The following NARS2 variants were observed in gnomAD, a reference collection of about 807,000 sequenced individuals.
NARS2 encodes the protein asparaginyl-tRNA synthetase 2, mitochondrial, also known as asparaginyl-tRNA synthetase.
Under a neutral mutation model 62.9 loss-of-function variants are expected in NARS2, and 60 were observed. The observed-to-expected ratio is 0.95, with a 90% CI of 0.77 to 1.18. The LOEUF is 1.18. Ranked by LOEUF, NARS2 falls within the 50% of genes most tolerant of loss-of-function variation. The pLI, the probability that NARS2 is intolerant of heterozygous loss-of-function variation, is 0.00. For missense variants in NARS2, 619 were observed against 576.4 expected (o/e 1.07, Z -0.76); for synonymous variants, 196 against 200.0 (o/e 0.98, Z 0.17).
chr11:78,504,551 T>C (rs1209714287), intron 6 of NARS2, among the ~76,000 whole-genome samples: 1 of 152,154 alleles, frequency 6.6e-6, no homozygotes, highest in Non-Finnish European at 1.5e-5. Flanking sequence ...CTAAGCTTAT[T>C]TGTTATCAGC....
rs1859330596 is a variant in NARS2 at position 78,481,018 on chromosome 11, A to T, written c.823-2335T>A. Among the ~76,000 whole-genome samples, 8 of 151,946 alleles carry T rather than the reference A, an allele frequency of 5.3e-5. No individual in the cohort carries two copies. The South Asian group carries it at 1.7e-3, about 32-fold the overall frequency. On this transcript the variant is annotated intron_variant, in intron 7 of 13. Coordinates refer to ENST00000281038, the MANE Select transcript of NARS2 (RefSeq NM_024678.6). ...AATTTTTTTGTAGAGACAGGATTTC[A>T]CCATGTTGGCCAGGCTGGTCTCTAA...
intron 13 of NARS2, 35 bp downstream of exon 13, chr11:78,441,056 G>C (rs1410664240): frequency 1.9e-6 from 3 of 1,600,042 alleles, no homozygotes; most frequent in Non-Finnish European, 2.6e-6. Context: ...CAGACAAGCA[G>C]CTAGAGTAAG....
At chr11:78,504,595 G>A (rs186268673) in intron 6 of NARS2, among the ~76,000 whole-genome samples, 2 of 152,124 alleles carry the variant, frequency 1.3e-5, no homozygotes, top group East Asian at 3.9e-4. Context: ...AACCATGACT[G>A]AATTTATTGG....
chr11:78,530,757 G>A (rs936859488), intron 5 of NARS2, among the ~76,000 whole-genome samples: 3 of 152,174 alleles, frequency 2.0e-5, no homozygotes, highest in Non-Finnish European at 2.9e-5. Flanking sequence ...ATGAGCCACC[G>A]TGCCCGGCCT....
intron 6 of NARS2, among the ~76,000 whole-genome samples, chr11:78,517,820 G>A (rs1201998476): frequency 1.3e-5 from 2 of 152,170 alleles, no homozygotes; most frequent in African/African-American, 2.4e-5. Flanking sequence ...AGTTTATGAC[G>A]AAGTTCCTCA....
intron 12 of NARS2, among the ~76,000 whole-genome samples, chr11:78,442,623 CT>C (rs1195764431): frequency 2.4e-3 from 181 of 75,254 alleles, no homozygotes; most frequent in East Asian, 0.011. Context: ...TAAAGTCTTT[CT>C]TTTTTTTTTT....
At chr11:78,537,540 T>C (rs1855404698) in intron 5 of NARS2, among the ~76,000 whole-genome samples, 1 of 152,224 alleles carries the variant, frequency 6.6e-6, no homozygotes, top group South Asian at 2.1e-4. Flanking sequence ...CTCACAACTA[T>C]AATCCCAGCA....
chr11:78,505,305 C>T (rs1860448847), intron 6 of NARS2, among the ~76,000 whole-genome samples: 1 of 145,996 alleles, frequency 6.8e-6, no homozygotes, highest in Admixed American at 6.7e-5. Context: ...CACACACACA[C>T]ACACACACAC....
intron 3 of NARS2, among the ~76,000 whole-genome samples, chr11:78,566,629 G>C (rs1856755416): frequency 6.6e-6 from 1 of 152,292 alleles, no homozygotes; most frequent in Middle Eastern, 3.4e-3. Context: ...GCACACAGGA[G>C]TTCAAAATAT....
At chr11:78,570,509 G>T (rs753787255) in intron 2 of NARS2, among the ~76,000 whole-genome samples, 1 of 152,130 alleles carries the variant, frequency 6.6e-6, no homozygotes, top group Non-Finnish European at 1.5e-5. Flanking sequence ...AGCCTCAACC[G>T]CCCGAGTAGT....
intron 5 of NARS2, among the ~76,000 whole-genome samples, chr11:78,557,032 G>A (rs1856379138): frequency 6.6e-6 from 1 of 152,186 alleles, no homozygotes; most frequent in South Asian, 2.1e-4. Flanking sequence ...ACGAACAAAT[G>A]CCTTGAAGGA....
chr11:78,480,817 ACTTT>A (rs1266776567), intron 7 of NARS2, among the ~76,000 whole-genome samples: 5 of 151,864 alleles, frequency 3.3e-5, no homozygotes, highest in Admixed American at 6.6e-5. Flanking sequence ...GAAATGTTTA[ACTTT>A]CTTTTTTTTT....
chr11:78,524,024 T>A (rs1350648315), intron 6 of NARS2, among the ~76,000 whole-genome samples: 2 of 152,126 alleles, frequency 1.3e-5, no homozygotes, highest in African/African-American at 2.4e-5. Flanking sequence ...AATTTAATTT[T>A]TTTGACTTGC....
At chr11:78,530,106 C>CT (rs959470529) in intron 5 of NARS2, among the ~76,000 whole-genome samples, 56 of 150,100 alleles carry the variant, frequency 3.7e-4, no homozygotes, top group South Asian at 1.7e-3. Flanking sequence ...TAATAACTGC[C>CT]TTTTTTTTTC....
chr11:78,514,832 T>C (rs1490842395), intron 6 of NARS2, among the ~76,000 whole-genome samples: 3 of 152,170 alleles, frequency 2.0e-5, no homozygotes, highest in Non-Finnish European at 4.4e-5. Flanking sequence ...ACTAAATCAT[T>C]ATGCAAATAA....
chr11:78,548,534 G>C (rs1258013758), intron 5 of NARS2, among the ~76,000 whole-genome samples: 1 of 152,198 alleles, frequency 6.6e-6, no homozygotes, highest in African/African-American at 2.4e-5. Context: ...AGAAATGCTA[G>C]TGCTTACATC....
chr11:78,531,425 C>A lies in NARS2; in HGVS notation c.595-2489G>T, dbSNP rs543490881. ...ACTAGAAATGTACAATAAGGGGTTG[C>A]GGTTACTAGGGAAAAAAGTTTGGTG... On this transcript the variant is annotated intron_variant, in intron 5 of 13. Transcript: ENST00000281038. 2.1e-4 allele frequency among the ~76,000 whole-genome samples: 32 copies of A among 151,898 alleles called. No individual in the cohort carries two copies. In the South Asian group the frequency reaches 5.4e-3, roughly 26 times the overall value.
At chr11:78,496,171 G>A (rs1860048859) in intron 6 of NARS2, among the ~76,000 whole-genome samples, 1 of 152,166 alleles carries the variant, frequency 6.6e-6, no homozygotes, top group East Asian at 1.9e-4. Context: ...TTGAAAAATT[G>A]CGTAAGAAAG....
At chr11:78,438,807 C>A (rs903405380) in intron 13 of NARS2, among the ~76,000 whole-genome samples, 1 of 152,224 alleles carries the variant, frequency 6.6e-6, no homozygotes, top group African/African-American at 2.4e-5. Context: ...GGCTTCTCAC[C>A]GTATGGTGGA....
Sources: allele counts gnomAD v4.1 joint callset (sites outside exome capture counted in the v4.1 genomes callset), GRCh38; gene constraint gnomAD v4.1.1; transcripts MANE v1.5; gene names NCBI Gene and HGNC (gene_info 2026-07-23, HGNC 2026-07-21).